Variants in ZNF567 observed in about 807,000 individuals in gnomAD.
ZNF567 encodes zinc finger protein 567.
Under a neutral mutation model 53.9 loss-of-function variants are expected in ZNF567, and 36 were observed. That is an observed-to-expected ratio of 0.67 (90% CI 0.51 to 0.88). The LOEUF (loss-of-function observed/expected upper bound fraction) is 0.88, where lower values mean the gene tolerates loss of function less well. ZNF567 is among the 40% of genes least tolerant of loss of function. The pLI is 0.00. For missense variants in ZNF567, 619 were observed against 764.7 expected (o/e 0.81, Z 2.25); for synonymous variants, 224 against 260.4 (o/e 0.86, Z 1.35).
At chr19:36,705,880 A>G (rs2039463743) in intron 3 of ZNF567, among the ~76,000 whole-genome samples, 2 of 152,214 alleles carry the variant, frequency 1.3e-5, no homozygotes, top group East Asian at 1.9e-4. Flanking sequence ...AATCCTTGAT[A>G]ATATTCTAAA....
Position 36,712,577 on chromosome 19 carries a change from T to C in ZNF567, c.136+65T>C, listed in dbSNP as rs1385872330. 7.5e-6 allele frequency: 12 copies of C among 1,594,812 alleles called. No individual in the cohort carries two copies. In the East Asian group the frequency reaches 2.7e-4, roughly 36 times the overall value. On this transcript the variant is annotated intron_variant, in intron 4 of 5. Coordinates refer to ENST00000682579, the MANE Select transcript of ZNF567 (RefSeq NM_001322917.1). ...TCCTCTCAAAGTGCCTAATTGTGTA[T>C]AATCTTGAATTTCAGGAATAAGAGG...
the ZNF567 span, among the ~76,000 whole-genome samples, chr19:36,676,367 AC>A: frequency 7.6e-6 from 1 of 131,306 alleles, no homozygotes; most frequent in Non-Finnish European, 1.6e-5. Context: ...CACCCAACCA[AC>A]TTTTTTTTTT....
At chr19:36,686,176 A>C (rs1344908557), upstream of ZNF567, among the ~76,000 whole-genome samples, 2 of 152,220 alleles carry the variant, frequency 1.3e-5, no homozygotes, top group Non-Finnish European at 2.9e-5. Flanking sequence ...CAGGAGGAGA[A>C]AAAATACTCC....
chr19:36,674,664 T>C, the ZNF567 span, among the ~76,000 whole-genome samples: 1 of 152,272 alleles, frequency 6.6e-6, no homozygotes, highest in African/African-American at 2.4e-5. Flanking sequence ...ACAGTCATAG[T>C]TGGGTCCAAA....
chr19:36,719,183 T>G lies in ZNF567; in HGVS notation c.459T>G (p.Asn153Lys). 6.2e-7 allele frequency: 1 copy of G among 1,613,454 alleles called. No homozygotes were observed. Among genetic ancestry groups the G allele is most frequent in the South Asian group, 1.1e-5 (1 of 90,806 alleles). Residue 153 changes from asparagine (N) to lysine (K), a missense_variant, in exon 6 of 6, where the codon AAT becomes AAG. Physicochemically the swap from Asn to Lys is moderately conservative, Grantham distance 94 (BLOSUM62 0). Coordinates refer to ENST00000682579, the MANE Select transcript of ZNF567 (RefSeq NM_001322917.1). ...CAGAATTAATCATCAGTAATCTAAA[T>G]CCTGCAAGAAAGAGACTTAGTGAGT... ...NVSELIISNL[N>K]PARKRLSEYN...
the ZNF567 span, among the ~76,000 whole-genome samples, chr19:36,678,890 G>A: frequency 2.0e-5 from 3 of 151,884 alleles, no homozygotes; most frequent in African/African-American, 7.3e-5. Context: ...ATTAAAAATG[G>A]GCAAAGGACT....
At chr19:36,712,902 C>T (rs750427479) in intron 5 of ZNF567, 35 bp downstream of exon 5, 26 of 1,542,940 alleles carry the variant, frequency 1.7e-5, no homozygotes, top group Non-Finnish European at 2.3e-5. Flanking sequence ...CACAGTCTAG[C>T]AGAATGTAAA....
the ZNF567 span, among the ~76,000 whole-genome samples, chr19:36,667,656 C>CT: frequency 0.011 from 1,508 of 134,860 alleles, 32 homozygotes; most frequent in African/African-American, 0.035. Context: ...TTTTTTTTTT[C>CT]TTTTTTTTTT....
the ZNF567 span, among the ~76,000 whole-genome samples, chr19:36,682,177 T>A: frequency 6.6e-6 from 1 of 150,394 alleles, no homozygotes; most frequent in Non-Finnish European, 1.5e-5. Flanking sequence ...CTTGGGGAGC[T>A]GAGGCTGAGG....
chr19:36,679,241 G>A, the ZNF567 span, among the ~76,000 whole-genome samples: 2 of 152,134 alleles, frequency 1.3e-5, no homozygotes, highest in African/African-American at 4.8e-5. Context: ...AGCCGAGATT[G>A]CATCACTGCA....
intron 1 of ZNF567, among the ~76,000 whole-genome samples, chr19:36,689,040 T>C (rs987660077): frequency 6.6e-6 from 1 of 152,098 alleles, no homozygotes; most frequent in Non-Finnish European, 1.5e-5. Context: ...GAAGTTGCAG[T>C]GAGCCAAGAT....
upstream of ZNF567, among the ~76,000 whole-genome samples, chr19:36,682,898 CACCCAGCTGGGT>C (rs1421167687): frequency 6.6e-6 from 1 of 151,870 alleles, no homozygotes; most frequent in African/African-American, 2.4e-5. Context: ...TGAGCCACCA[CACCCAGCTGGGT>C]TTATTTTTTT....
rs530498854 is a variant in ZNF567, at chr19:36,697,822, G to A, written c.9+2946G>A. Among the ~76,000 whole-genome samples the A allele has an allele frequency of 5.9e-5, 9 of 152,030 alleles. No homozygotes were observed. In the South Asian group the frequency reaches 1.9e-3, roughly 32 times the overall value. On this transcript the variant is annotated intron_variant, in intron 3 of 5. Transcript: ENST00000682579. ...AGACAGCATTTCACCATATTGGCGA[G>A]GCTGGTCTTGAACTCTGGCCTCAAG...
chr19:36,709,317 C>T (rs1448593520), intron 3 of ZNF567, among the ~76,000 whole-genome samples: 3 of 152,158 alleles, frequency 2.0e-5, no homozygotes, highest in Non-Finnish European at 4.4e-5. Flanking sequence ...TGCTTTCATG[C>T]TAAAATAGCA....
At chr19:36,715,478 A>AAATAATAATAATAAT (rs200738092) in intron 5 of ZNF567, among the ~76,000 whole-genome samples, 2 of 120,440 alleles carry the variant, frequency 1.7e-5, no homozygotes, top group African/African-American at 6.4e-5. Flanking sequence ...ATTTAACTCA[A>AAATAATAATAATAAT]AATAATAATA....
chr19:36,717,281 T>G (rs1026008442), intron 5 of ZNF567, among the ~76,000 whole-genome samples: 1 of 152,124 alleles, frequency 6.6e-6, no homozygotes, highest in African/African-American at 2.4e-5. Flanking sequence ...ATTGCAAATT[T>G]TAAAGAAGTA....
At chr19:36,668,222 A>T in the ZNF567 span, 1 of 152,408 alleles carries the variant, frequency 6.6e-6, no homozygotes, top group Non-Finnish European at 1.5e-5. Flanking sequence ...ATTGGATGAC[A>T]GGTGTGAGCC....
chr19:36,708,228 G>A (rs1045190359), intron 3 of ZNF567, among the ~76,000 whole-genome samples: 6 of 152,022 alleles, frequency 3.9e-5, no homozygotes, highest in Non-Finnish European at 8.8e-5. Context: ...GTCATTTCTG[G>A]GTCTGTTTCT....
At chr19:36,682,472 G>A in the ZNF567 span, among the ~76,000 whole-genome samples, 1 of 151,348 alleles carries the variant, frequency 6.6e-6, no homozygotes, top group African/African-American at 2.4e-5. Context: ...CTATTATAGA[G>A]GTCAAACTAA....
Sources: allele counts gnomAD v4.1 joint callset (sites outside exome capture counted in the v4.1 genomes callset), GRCh38; gene constraint gnomAD v4.1.1; transcripts MANE v1.5; gene names NCBI Gene and HGNC (gene_info 2026-07-23, HGNC 2026-07-21).